The following CSE1L variants were observed in gnomAD, a reference collection of about 807,000 sequenced individuals.
The protein encoded by CSE1L is exportin-2.
A neutral mutation model predicts 120.4 loss-of-function variants in CSE1L; 24 were observed. The observed-to-expected ratio is 0.20, with a 90% CI of 0.14 to 0.28. The LOEUF (loss-of-function observed/expected upper bound fraction) is 0.28, where lower values mean the gene tolerates loss of function less well. Among genes scored for constraint, CSE1L ranks in the 10% least tolerant of loss-of-function variants. The pLI, the probability that CSE1L is intolerant of heterozygous loss-of-function variation, is 1.00. For missense variants in CSE1L, 830 were observed against 1,145.2 expected (o/e 0.72, Z 3.97); for synonymous variants, 402 against 398.3 (o/e 1.01, Z -0.11).
rs189617265 is a variant in CSE1L, at chr20:49,065,024, G to A, written c.229-1168G>A. ...AATTTAAAATTAGCCAGGTGTGGTC[G>A]TGTGTGGTGTGCATCTGTGGTCCTT... On this transcript the variant is annotated intron_variant, in intron 3 of 24. Transcript: ENST00000262982. 2.4e-3 allele frequency among the ~76,000 whole-genome samples: 359 copies of A among 151,512 alleles called. 9 individuals carry two copies. The highest frequency in any genetic ancestry group is 0.02 in the Admixed American group (306 of 15,116).
intron 14 of CSE1L, among the ~76,000 whole-genome samples, chr20:49,080,577 A>G (rs900627469): frequency 1.3e-5 from 2 of 152,126 alleles, no homozygotes; most frequent in East Asian, 3.9e-4. Context: ...CCCGAGTTCA[A>G]GCGATTTTCT....
intron 14 of CSE1L, among the ~76,000 whole-genome samples, chr20:49,081,864 A>G (rs1225623669): frequency 6.6e-6 from 1 of 152,182 alleles, no homozygotes; most frequent in East Asian, 1.9e-4. Flanking sequence ...AAACAATATG[A>G]TGATTACTGA....
chr20:49,047,576 T>TC (rs1445467404), intron 1 of CSE1L, among the ~76,000 whole-genome samples: 5 of 106,854 alleles, frequency 4.7e-5, no homozygotes, highest in African/African-American at 2.0e-4. Context: ...TTTTTTTTTT[T>TC]TTTTTTTTTT....
chr20:49,081,305 A>G (rs1568781109), intron 14 of CSE1L, among the ~76,000 whole-genome samples: 1 of 151,780 alleles, frequency 6.6e-6, no homozygotes, highest in Non-Finnish European at 1.5e-5. Context: ...ATTTTTTGAA[A>G]CAGGGTCTCG....
intron 14 of CSE1L, among the ~76,000 whole-genome samples, chr20:49,081,156 G>A (rs1320957497): frequency 6.6e-6 from 1 of 151,676 alleles, no homozygotes; most frequent in Non-Finnish European, 1.5e-5. Flanking sequence ...GCTAATTTTT[G>A]TCTTGTTAGA....
chr20:49,089,895 A>T, intron 19 of CSE1L, 149 bp downstream of exon 19: 1 of 707,176 alleles, frequency 1.4e-6, no homozygotes, highest in Non-Finnish European at 2.3e-6. Flanking sequence ...TAGTGGGAGG[A>T]TCCCTTGAGC....
chr20:49,090,970 C>T lies in CSE1L; in HGVS notation c.2313C>T (p.Phe771=), dbSNP rs2092097233. Residue 771 remains phenylalanine, a synonymous_variant, in exon 21 of 25, where the codon TTC becomes TTT. Transcript: ENST00000262982. ...ESVDQYRKQI[F]ILLFQRLQNS... ...TTGACCAATATAGGAAACAAATCTT[C>T]ATTCTGCTATTCCAGAGACTTCAGA... 6.2e-7 allele frequency: 1 copy of T among 1,611,318 alleles called. No individual in the cohort carries two copies. The highest frequency in any genetic ancestry group is 1.3e-5 in the African/African-American group (1 of 74,918).
At chr20:49,074,885 A>G in intron 11 of CSE1L, 35 bp downstream of exon 11, 2 of 1,538,872 alleles carry the variant, frequency 1.3e-6, no homozygotes, top group Non-Finnish European at 1.8e-6. Context: ...CTAGTCTCTT[A>G]GCAAGCCAGT....
intron 21 of CSE1L, among the ~76,000 whole-genome samples, chr20:49,091,434 AAAAG>A (rs1317907283): frequency 1.1e-4 from 16 of 151,998 alleles, no homozygotes; most frequent in African/African-American, 3.4e-4. Context: ...TCAAAAAAAA[AAAAG>A]AAAATATTGT....
intron 3 of CSE1L, among the ~76,000 whole-genome samples, chr20:49,064,516 C>G (rs563878400): frequency 6.6e-6 from 1 of 152,156 alleles, no homozygotes; most frequent in Non-Finnish European, 1.5e-5. Context: ...TCAAGACCAG[C>G]TTGGGCAATA....
intron 15 of CSE1L, 129 bp downstream of exon 15, chr20:49,084,291 T>G (rs2092036814): frequency 1.5e-5 from 14 of 947,362 alleles, no homozygotes; most frequent in Non-Finnish European, 2.1e-5. Context: ...CTTTATACTC[T>G]GTTTCATTCT....
At chr20:49,057,352 G>A (rs917271770) in intron 1 of CSE1L, among the ~76,000 whole-genome samples, 5 of 151,774 alleles carry the variant, frequency 3.3e-5, no homozygotes, top group African/African-American at 7.3e-5. Flanking sequence ...TAGTATTTGC[G>A]ATTACATGTT....
intron 24 of CSE1L, among the ~76,000 whole-genome samples, chr20:49,095,411 A>G (rs538844595): frequency 2.0e-5 from 3 of 152,042 alleles, no homozygotes; most frequent in South Asian, 2.1e-4. Context: ...TGCAGCCTCA[A>G]CCTCCCAGGT....
At chr20:49,057,643 T>G (rs549629633) in intron 1 of CSE1L, among the ~76,000 whole-genome samples, 70 of 151,942 alleles carry the variant, frequency 4.6e-4, no homozygotes, top group East Asian at 3.7e-3. Context: ...TTGGTTGGTT[T>G]GTTTTGAGAC....
At chr20:49,057,741 C>T (rs1318247120) in intron 1 of CSE1L, among the ~76,000 whole-genome samples, 2 of 152,180 alleles carry the variant, frequency 1.3e-5, no homozygotes, top group East Asian at 1.9e-4. Flanking sequence ...AAGCGATTCT[C>T]CTGCCTCAGC....
intron 10 of CSE1L, among the ~76,000 whole-genome samples, chr20:49,074,130 G>C (rs1367233559): frequency 4.0e-5 from 6 of 150,262 alleles, no homozygotes; most frequent in Admixed American, 2.7e-4. Flanking sequence ...AGTTTTGCTT[G>C]AGCTCAGGAG....
At chr20:49,067,328 C>T (rs115992515) in intron 6 of CSE1L, 48 bp downstream of exon 6, 3 of 1,238,834 alleles carry the variant, frequency 2.4e-6, no homozygotes, top group Admixed American at 3.7e-5. Context: ...TTTTAAATTG[C>T]TTGAATGTTT....
intron 23 of CSE1L, 46 bp from the exon 24 acceptor site, chr20:49,094,686 C>G (rs371006393): frequency 1.5e-6 from 2 of 1,351,108 alleles, no homozygotes; most frequent in Non-Finnish European, 2.1e-6. Context: ...TTAAGTCTTC[C>G]GAGTATTTTC....
At chr20:49,093,302 G>A (rs555879773) in intron 22 of CSE1L, among the ~76,000 whole-genome samples, 1 of 152,254 alleles carries the variant, frequency 6.6e-6, no homozygotes, top group East Asian at 1.9e-4. Flanking sequence ...TACCCTTTGA[G>A]CCATATTTCC....
Sources: allele counts gnomAD v4.1 joint callset (sites outside exome capture counted in the v4.1 genomes callset), GRCh38; gene constraint gnomAD v4.1.1; transcripts MANE v1.5; gene names NCBI Gene and HGNC (gene_info 2026-07-23, HGNC 2026-07-21).